The following NAV3 variants were observed in gnomAD, a reference collection of about 807,000 sequenced individuals.
The protein encoded by NAV3 is pore membrane and/or filament interacting like protein 1.
A neutral mutation model predicts 244.7 loss-of-function variants in NAV3; 87 were observed. The ratio of observed to expected loss-of-function variants is 0.36; its 90% confidence interval spans 0.30 to 0.42. The LOEUF (loss-of-function observed/expected upper bound fraction) is 0.42, where lower values mean the gene tolerates loss of function less well. NAV3 is among the 20% of genes least tolerant of loss of function. The pLI is 1.00. For synonymous variants in NAV3, 1,126 were observed against 1,042.2 expected (o/e 1.08, Z -1.55); for missense variants, 2,663 against 2,893.3 (o/e 0.92, Z 1.83).
At position 78,087,168 on chromosome 12, in the gene NAV3, T is replaced by C. The variant is rs182389050; in HGVS notation, c.2636+28053T>C. ...AGAATTAGAGAAAATTAGCTTCAGG[T>C]CTGGCAGTGATTTTCTAAAAGTGGT... On this transcript the variant is annotated intron_variant, in intron 12 of 39. Coordinates refer to ENST00000397909, the MANE Select transcript of NAV3 (RefSeq NM_001024383.2). Among the ~76,000 whole-genome samples the C allele has an allele frequency of 6.6e-5, 10 of 152,118 alleles. No homozygotes were observed. In the East Asian group the frequency reaches 1.7e-3, roughly 26 times the overall value.
At chr12:77,980,143 A>G (rs1317203952) in intron 5 of NAV3, among the ~76,000 whole-genome samples, 1 of 152,126 alleles carries the variant, frequency 6.6e-6, no homozygotes, top group African/African-American at 2.4e-5. Flanking sequence ...CAGTTCCTTG[A>G]CACTATTTGG....
Position 78,197,252 on chromosome 12 carries a change from G to T in NAV3, c.6297G>T (p.Leu2099Phe). ...FNVDHKSSKE[L>F]QQYLANLAEQ... is the part of the protein sequence containing the mutation. ...TTTTCTTCATTTTTTAAAAGGAATT[G>T]CAACAATATCTAGCTAACCTGGCTG... The change falls in exon 35 of 40, where the codon TTG (leucine) becomes TTT (phenylalanine). Residue 2099 changes from leucine to phenylalanine, a missense_variant. Physicochemically the swap from Leu to Phe is conservative, Grantham distance 22 (BLOSUM62 0). Around this residue, in one of 6 missense-constraint regions of NAV3, gnomAD observed 543 missense variants for 672.4 expected, o/e 0.81. Transcript: ENST00000397909. 6.5e-7 allele frequency: 1 copy of T among 1,536,146 alleles called. No individual in the cohort carries two copies. The highest frequency in any genetic ancestry group is 8.8e-7 in the Non-Finnish European group (1 of 1,140,494).
At chr12:77,972,997 A>AT (rs1893122588) in intron 5 of NAV3, among the ~76,000 whole-genome samples, 1 of 152,198 alleles carries the variant, frequency 6.6e-6, no homozygotes, top group Non-Finnish European at 1.5e-5. Flanking sequence ...AGTAAAAAAA[A>AT]AATAAAATGA....
intron 2 of NAV3, among the ~76,000 whole-genome samples, chr12:77,703,682 A>G (rs982691126): frequency 6.6e-6 from 1 of 152,180 alleles, no homozygotes; most frequent in African/African-American, 2.4e-5. Flanking sequence ...AACCAGTCCA[A>G]TTGGCCTGGC....
At chr12:78,025,019 A>C in intron 9 of NAV3, among the ~76,000 whole-genome samples, 2 of 152,022 alleles carry the variant, frequency 1.3e-5, no homozygotes, top group Middle Eastern at 3.4e-3. Context: ...CTTGACCCCA[A>C]ATTTGTCCTC....
At chr12:77,718,394 G>A (rs1302144826) in intron 2 of NAV3, among the ~76,000 whole-genome samples, 1 of 152,046 alleles carries the variant, frequency 6.6e-6, no homozygotes, top group Non-Finnish European at 1.5e-5. Flanking sequence ...TTTATGCATG[G>A]ATTTATTTCT....
At chr12:77,993,367 ATTC>A in intron 5 of NAV3, among the ~76,000 whole-genome samples, 1 of 152,206 alleles carries the variant, frequency 6.6e-6, no homozygotes, top group South Asian at 2.1e-4. Flanking sequence ...GAGTGTTTTT[ATTC>A]TTTAATTTTC....
chr12:77,603,771 C>T (rs945852185), intron 2 of NAV3, among the ~76,000 whole-genome samples: 3 of 152,004 alleles, frequency 2.0e-5, no homozygotes, highest in Non-Finnish European at 4.4e-5. Context: ...TCTCATTCTT[C>T]CTTCCCTCCT....
intron 1 of NAV3, among the ~76,000 whole-genome samples, chr12:77,934,409 A>T (rs557882933): frequency 5.0e-4 from 75 of 150,764 alleles, no homozygotes; most frequent in Middle Eastern, 3.4e-3. Flanking sequence ...GAAATTATAA[A>T]AAAAAAGTAT....
At position 78,007,016 on chromosome 12, in the gene NAV3, A is replaced by G. The variant is rs2136582039; in HGVS notation, c.1478A>G (p.Glu493Gly). The G allele has an allele frequency of 1.2e-6, 2 of 1,614,142 alleles. No individual in the cohort carries two copies. The highest frequency in any genetic ancestry group is 1.7e-6 in the Non-Finnish European group (2 of 1,180,022). ...PVKEEKDQVT[E>G]MAPKKTSKIA... Reference sequence around the variant, plus strand: ...AAAGAAGAGAAGGATCAGGTGACAGAGATGGCTCCAAAAAAGACCTCCAAA... The same window carrying G: ...AAAGAAGAGAAGGATCAGGTGACAGGGATGGCTCCAAAAAAGACCTCCAAA... The change falls in exon 8 of 40, where the codon GAG (glutamate) becomes GGG (glycine). Residue 493 changes from glutamate to glycine, a missense_variant. Glu to Gly is a moderately conservative substitution (Grantham distance 98). Around this residue, in one of 6 missense-constraint regions of NAV3, gnomAD observed 1,521 missense variants for 1,497.0 expected, o/e 1.02. Transcript: ENST00000397909.
intron 2 of NAV3, among the ~76,000 whole-genome samples, chr12:77,610,738 G>A (rs745808919): frequency 3.9e-5 from 6 of 152,042 alleles, no homozygotes; most frequent in Admixed American, 1.3e-4. Context: ...ACTGAAAGAA[G>A]CAAAGTTCTG....
intron 5 of NAV3, among the ~76,000 whole-genome samples, chr12:77,979,976 ATG>A (rs1869266635): frequency 6.6e-6 from 1 of 152,178 alleles, no homozygotes; most frequent in East Asian, 1.9e-4. Context: ...AGGGGTTTAT[ATG>A]GCAAGGAAGA....
intron 12 of NAV3, among the ~76,000 whole-genome samples, chr12:78,090,173 GTAAATATATA>G (rs1431673479): frequency 2.0e-5 from 3 of 148,078 alleles, no homozygotes; most frequent in African/African-American, 7.5e-5. Flanking sequence ...ATATATATGT[GTAAATATATA>G]TGTGTGTATA....
At chr12:77,750,166 A>G (rs959744993) in intron 2 of NAV3, among the ~76,000 whole-genome samples, 5 of 152,178 alleles carry the variant, frequency 3.3e-5, no homozygotes, top group African/African-American at 1.2e-4. Flanking sequence ...ATCCTGGCTA[A>G]TATGGTGAAA....
chr12:77,900,487 T>A (rs113523243), intron 1 of NAV3, among the ~76,000 whole-genome samples: 4,272 of 152,328 alleles, frequency 0.028, 96 homozygotes, highest in African/African-American at 0.052. Flanking sequence ...GGCCTCCAGA[T>A]GCATCCATGT....
Position 77,877,377 on chromosome 12 carries a change from T to A in NAV3, c.243+45673T>A, listed in dbSNP as rs539015151. Reference sequence around the variant, plus strand: ...TATTTTAATAGATTTATTTTTAAAATCTAAGATCAATTCTTTACCAATTAT... The same window carrying A: ...TATTTTAATAGATTTATTTTTAAAAACTAAGATCAATTCTTTACCAATTAT... On this transcript the variant is annotated intron_variant, in intron 1 of 39. Transcript: ENST00000397909. 8.1e-4 allele frequency among the ~76,000 whole-genome samples: 123 copies of A among 152,254 alleles called. 1 individual carries two copies. Among genetic ancestry groups the A allele is most frequent in the Non-Finnish European group, 9.0e-4 (61 of 68,002 alleles).
chr12:78,076,934 T>C (rs1013120850), intron 12 of NAV3, among the ~76,000 whole-genome samples: 3 of 152,170 alleles, frequency 2.0e-5, no homozygotes, highest in Non-Finnish European at 4.4e-5. Context: ...CTAGGATATC[T>C]GATGGTAATT....
chr12:77,827,169 G>T (rs1416857649), upstream of NAV3, among the ~76,000 whole-genome samples: 1 of 148,622 alleles, frequency 6.7e-6, no homozygotes, highest in Non-Finnish European at 1.5e-5. Flanking sequence ...GGAGGCAGAG[G>T]TTGCAGTGAA....
At chr12:77,795,971 C>G (rs112950249) in intron 2 of NAV3, among the ~76,000 whole-genome samples, 1 of 152,240 alleles carries the variant, frequency 6.6e-6, no homozygotes, top group African/African-American at 2.4e-5. Context: ...TTCCGCAGCT[C>G]TGAAAGAGAT....
Sources: gnomAD v4.1 joint callset for allele counts (sites outside exome capture counted in the v4.1 genomes callset) on GRCh38, gnomAD v4.1.1 for gene constraint, gnomAD v4.1.1 regional missense constraint, MANE v1.5 for transcripts, NCBI Gene and HGNC (gene_info 2026-07-23, HGNC 2026-07-21) for gene names.